Variants in CTNNA2 observed in about 807,000 individuals in gnomAD.
The protein encoded by CTNNA2 is catenin alpha-2.
Under a neutral mutation model 101.0 loss-of-function variants are expected in CTNNA2, and 42 were observed. That is an observed-to-expected ratio of 0.42 (90% CI 0.32 to 0.54). The LOEUF (loss-of-function observed/expected upper bound fraction) is 0.54. Among genes scored for constraint, CTNNA2 ranks in the 20% least tolerant of loss-of-function variants. The pLI is 0.14. For synonymous variants in CTNNA2, 450 were observed against 456.4 expected, an observed-to-expected ratio of 0.99 and a Z score of 0.18; for missense variants, 871 against 1,223.1, an observed-to-expected ratio of 0.71 and a Z score of 4.29.
At chr2:79,695,681 G>A (rs1445988371) in intron 2 of CTNNA2, among the ~76,000 whole-genome samples, 1 of 151,916 alleles carries the variant, frequency 6.6e-6, no homozygotes, top group Non-Finnish European at 1.5e-5. Context: ...CCACTCCATG[G>A]TCTCTTATCA....
intron 2 of CTNNA2, among the ~76,000 whole-genome samples, chr2:79,689,703 T>C (rs1380965124): frequency 2.0e-5 from 3 of 151,998 alleles, no homozygotes; most frequent in Admixed American, 6.6e-5. Context: ...AATAGATCGA[T>C]GTAATTATGC....
chr2:80,450,973 G>A (rs1471547707), intron 9 of CTNNA2, among the ~76,000 whole-genome samples: 2 of 141,104 alleles, frequency 1.4e-5, no homozygotes, highest in African/African-American at 5.0e-5. Context: ...CCATTAAGGT[G>A]TCATTGTTTA....
At chr2:79,831,539 C>A (rs552316342) in intron 3 of CTNNA2, among the ~76,000 whole-genome samples, 1 of 152,192 alleles carries the variant, frequency 6.6e-6, no homozygotes, top group African/African-American at 2.4e-5. Flanking sequence ...CTCCTTCCCA[C>A]AATTTTGCCT....
chr2:79,196,824 T>C (rs1673967394), intron 1 of CTNNA2, among the ~76,000 whole-genome samples: 1 of 152,190 alleles, frequency 6.6e-6, no homozygotes, highest in Non-Finnish European at 1.5e-5. Flanking sequence ...TTGCTTAGGG[T>C]CAAAAATGTG....
At chr2:79,458,003 C>G (rs1166891465) in intron 4 of CTNNA2, among the ~76,000 whole-genome samples, 1 of 152,170 alleles carries the variant, frequency 6.6e-6, no homozygotes, top group Non-Finnish European at 1.5e-5. Flanking sequence ...AAATAAGATG[C>G]AGCTGCAGGA....
chr2:79,979,991 G>A (rs746413642), intron 7 of CTNNA2, among the ~76,000 whole-genome samples: 6 of 152,162 alleles, frequency 3.9e-5, no homozygotes, highest in Admixed American at 6.6e-5. Context: ...TGTTGCATCC[G>A]ATGACCTCTA....
At chr2:80,156,011 C>T (rs1703979496) in intron 7 of CTNNA2, among the ~76,000 whole-genome samples, 1 of 152,276 alleles carries the variant, frequency 6.6e-6, no homozygotes, top group Middle Eastern at 3.4e-3. Context: ...CTTGTAAATG[C>T]AGATTCTGAT....
chr2:80,464,933 T>C (rs1684731943), intron 9 of CTNNA2, among the ~76,000 whole-genome samples: 1 of 152,200 alleles, frequency 6.6e-6, no homozygotes, highest in African/African-American at 2.4e-5. Flanking sequence ...GTCTTTGCTC[T>C]CAGCTACTCT....
At chr2:80,037,091 T>C (rs1192079445) in intron 7 of CTNNA2, among the ~76,000 whole-genome samples, 1 of 152,178 alleles carries the variant, frequency 6.6e-6, no homozygotes, top group African/African-American at 2.4e-5. Flanking sequence ...GATACGAATA[T>C]GAGGACCTAA....
At position 80,545,068 on chromosome 2, in the gene CTNNA2, TC is replaced by T. The variant is rs1691919952; in HGVS notation, c.1381del (p.Gln461ArgfsTer7). Reference protein sequence around the residue: ...MAATQIDSLCPQVINAALTLA... With the variant: ...MAATQIDSLCXQVINAALTLA... ...CAGCCACCCAGATTGACAGCCTGTG[TC>T]CCCAGGTAAGCCTCATTCACTTTGT... On this transcript the variant is annotated frameshift_variant, in exon 10 of 19. Transcript: ENST00000402739. LOFTEE classifies it high-confidence loss of function. 1 of 1,613,752 alleles carries T rather than the reference TC, an allele frequency of 6.2e-7. No homozygotes were observed. Among genetic ancestry groups the T allele is most frequent in the Non-Finnish European group, 8.5e-7 (1 of 1,179,886 alleles).
chr2:79,658,382 T>C (rs1328048576), intron 2 of CTNNA2, among the ~76,000 whole-genome samples: 1 of 152,018 alleles, frequency 6.6e-6, no homozygotes, highest in Non-Finnish European at 1.5e-5. Flanking sequence ...ATGGTATGCT[T>C]ACAGTAATAC....
chr2:79,629,397 C>T (rs1440909532), intron 1 of CTNNA2, among the ~76,000 whole-genome samples: 2 of 152,174 alleles, frequency 1.3e-5, no homozygotes, highest in Non-Finnish European at 2.9e-5. Flanking sequence ...TATTGGCCAT[C>T]TTTTTTTAAC....
chr2:79,305,479 G>A (rs183870235), intron 2 of CTNNA2, among the ~76,000 whole-genome samples: 1 of 151,122 alleles, frequency 6.6e-6, no homozygotes, highest in African/African-American at 2.4e-5. Context: ...ATTAATCTGT[G>A]CATGGTATGG....
chr2:80,552,343 A>C (rs989522887), intron 11 of CTNNA2, among the ~76,000 whole-genome samples: 6 of 152,130 alleles, frequency 3.9e-5, no homozygotes, highest in South Asian at 4.2e-4. Context: ...AGAAAAAAAA[A>C]CCCACCAATC....
intron 7 of CTNNA2, among the ~76,000 whole-genome samples, chr2:80,279,512 A>G (rs73938262): frequency 0.019 from 2,920 of 152,234 alleles, 101 homozygotes; most frequent in African/African-American, 0.067. Context: ...TCCAGTTGTG[A>G]TATTGTACAA....
At chr2:79,836,029 G>A (rs971915608) in intron 3 of CTNNA2, among the ~76,000 whole-genome samples, 1 of 152,036 alleles carries the variant, frequency 6.6e-6, no homozygotes, top group African/African-American at 2.4e-5. Flanking sequence ...TGCAATTGCT[G>A]ATCTCTAGTT....
intron 9 of CTNNA2, among the ~76,000 whole-genome samples, chr2:80,460,346 T>G (rs1345521806): frequency 6.6e-6 from 1 of 152,138 alleles, no homozygotes; most frequent in East Asian, 1.9e-4. Flanking sequence ...CATGCCTATA[T>G]CTTGTTCATT....
At chr2:79,243,200 CTGACTG>C (rs1674657240) in intron 2 of CTNNA2, among the ~76,000 whole-genome samples, 1 of 152,052 alleles carries the variant, frequency 6.6e-6, no homozygotes, top group Admixed American at 6.5e-5. Flanking sequence ...GTCAGGGAAG[CTGACTG>C]TAGGTGGGCT....
At position 79,748,217 on chromosome 2, in the gene CTNNA2, G is replaced by A. The variant is rs1296980092; in HGVS notation, c.298+3635G>A. ...ACCCAAATTTTATTTACCAATGAGA[G>A]CCTGCATTGATTTTCAGAGAGAGAG... On this transcript the variant is annotated intron_variant, in intron 3 of 18. Coordinates refer to ENST00000402739, the MANE Select transcript of CTNNA2 (RefSeq NM_001282597.3). 2.0e-5 allele frequency among the ~76,000 whole-genome samples: 3 copies of A among 152,158 alleles called. No homozygotes were observed. The East Asian group carries it at 5.8e-4, about 29-fold the overall frequency.
Sources: allele counts gnomAD v4.1 joint callset (sites outside exome capture counted in the v4.1 genomes callset), GRCh38; gene constraint gnomAD v4.1.1; transcripts MANE v1.5; gene names NCBI Gene and HGNC (gene_info 2026-07-23, HGNC 2026-07-21).